MACF1: variants seen among roughly 807,000 people sequenced by gnomAD.
MACF1 encodes microtubule-actin cross-linking factor 1.
In MACF1, 193 loss-of-function variants were observed where a neutral mutation model predicts 854.8. The observed-to-expected ratio is 0.23, with a 90% CI of 0.20 to 0.25. The LOEUF (loss-of-function observed/expected upper bound fraction) is 0.25, where lower values mean the gene tolerates loss of function less well. Among genes scored for constraint, MACF1 ranks in the 10% least tolerant of loss-of-function variants. The pLI is 1.00. For synonymous variants in MACF1, 3,185 were observed against 3,226.7 expected, an observed-to-expected ratio of 0.99 and a Z score of 0.44; for missense variants, 7,722 against 8,929.1, an observed-to-expected ratio of 0.86 and a Z score of 5.45.
At chr1:39,253,547 T>G (rs1401450012) in intron 4 of MACF1, among the ~76,000 whole-genome samples, 4 of 123,004 alleles carry the variant, frequency 3.3e-5, no homozygotes, top group African/African-American at 1.2e-4. Context: ...GGAGTCTCAC[T>G]CCATCTCCCA....
chr1:39,312,880 G>A (rs550632944), intron 26 of MACF1, among the ~76,000 whole-genome samples: 1 of 152,150 alleles, frequency 6.6e-6, no homozygotes, highest in Non-Finnish European at 1.5e-5. Context: ...CCAAGCTCAC[G>A]CCTCATTAAA....
intron 58 of MACF1, among the ~76,000 whole-genome samples, chr1:39,389,353 T>G (rs1402718456): frequency 1.3e-4 from 14 of 111,666 alleles, no homozygotes; most frequent in Middle Eastern, 4.5e-3. Context: ...TTTTGTGTGT[T>G]TTTTTTTTTT....
At chr1:39,413,869 G>T (rs780134805) in intron 58 of MACF1, 4 of 1,609,992 alleles carry the variant, frequency 2.5e-6, no homozygotes, top group East Asian at 4.5e-5. Flanking sequence ...GGCAGCTTCA[G>T]TGCCCACCCC....
At chr1:39,443,855 A>G (rs958421565) in intron 79 of MACF1, among the ~76,000 whole-genome samples, 2 of 152,214 alleles carry the variant, frequency 1.3e-5, no homozygotes, top group African/African-American at 4.8e-5. Flanking sequence ...AGACAAATAT[A>G]CAACACAGAT....
chr1:39,298,683 G>C, intron 21 of MACF1: 1 of 421,778 alleles, frequency 2.4e-6, no homozygotes, highest in Non-Finnish European at 4.7e-6. Context: ...CCTATGAGTG[G>C]TTTTACATTC....
chr1:39,249,840 A>G, intron 2 of MACF1, 174 bp from the exon 3 acceptor site: 1 of 502,790 alleles, frequency 2.0e-6, no homozygotes, highest in South Asian at 2.8e-5. Flanking sequence ...GTAAAGTATT[A>G]TCATTTCACA....
intron 23 of MACF1, among the ~76,000 whole-genome samples, chr1:39,306,833 C>T (rs189955618): frequency 6.9e-4 from 104 of 150,730 alleles, no homozygotes; most frequent in Admixed American, 1.2e-3. Flanking sequence ...CTTCTTCTTC[C>T]TCTAACTGGC....
chr1:39,240,957 G>A (rs1044197344), intron 2 of MACF1, among the ~76,000 whole-genome samples: 6 of 151,626 alleles, frequency 4.0e-5, no homozygotes, highest in African/African-American at 9.7e-5. Flanking sequence ...TCCCACCCCC[G>A]CTCTCCAACA....
At chr1:39,233,783 T>TG (rs1644814662) in intron 2 of MACF1, among the ~76,000 whole-genome samples, 2 of 84,114 alleles carry the variant, frequency 2.4e-5, no homozygotes, top group African/African-American at 3.2e-5. Flanking sequence ...AGCTTTTTTT[T>TG]TTTTTTTTTT....
chr1:39,334,754 A>G lies in MACF1; in HGVS notation c.8166A>G (p.Ala2722=). 1 of 1,614,178 alleles carries G rather than the reference A, an allele frequency of 6.2e-7. No individual in the cohort carries two copies. Among genetic ancestry groups the G allele is most frequent in the Non-Finnish European group, 8.5e-7 (1 of 1,180,012 alleles). Reference sequence around the variant, plus strand: ...ATGAAAACATGGTCAGAATTATTGCATCTCATCAGGTGTTAAATGGAGGAA... The same window carrying G: ...ATGAAAACATGGTCAGAATTATTGCGTCTCATCAGGTGTTAAATGGAGGAA... ...LVDENMVRII[A]SHQVLNGGIV... The change falls in exon 37 of 101, where the codon GCA becomes GCG. Residue 2722 remains alanine (A), a synonymous_variant. Coordinates refer to ENST00000564288, the MANE Select transcript of MACF1 (RefSeq NM_001394062.1).
intron 77 of MACF1, 26 bp from the exon 78 acceptor site, chr1:39,442,688 A>C: frequency 6.2e-7 from 1 of 1,612,852 alleles, no homozygotes; most frequent in South Asian, 1.1e-5. Context: ...CCATAGAGAT[A>C]AATTATGTTG....
chr1:39,185,291 CAAAA>C (rs61635259), intron 2 of MACF1, among the ~76,000 whole-genome samples: 1 of 128,716 alleles, frequency 7.8e-6, no homozygotes, highest in Non-Finnish European at 1.7e-5. Context: ...GACTCCGTCT[CAAAA>C]AAAAAAAAAA....
intron 2 of MACF1, among the ~76,000 whole-genome samples, chr1:39,094,032 C>T (rs952720497): frequency 3.3e-5 from 5 of 152,116 alleles, no homozygotes; most frequent in African/African-American, 7.2e-5. Flanking sequence ...ACCGCCTCGG[C>T]CTCCCAAAGT....
intron 58 of MACF1, among the ~76,000 whole-genome samples, chr1:39,416,630 G>A (rs1643323575): frequency 6.6e-6 from 1 of 152,190 alleles, no homozygotes; most frequent in Admixed American, 6.5e-5. Context: ...TCAGTCTCTG[G>A]AATCCTTGTT....
Position 39,430,776 on chromosome 1 carries a change from G to T in MACF1, c.17205G>T (p.Glu5735Asp). The change falls in exon 66 of 101, where the codon GAG becomes GAT. Residue 5735 changes from glutamate to aspartate, a missense_variant. Glu to Asp is a conservative substitution (Grantham distance 45). Around this residue, in one of 15 missense-constraint regions of MACF1, gnomAD observed 2,807 missense variants for 3,235.8 expected, o/e 0.87. Coordinates refer to ENST00000564288, the MANE Select transcript of MACF1 (RefSeq NM_001394062.1). ...TVNEVSRALL[E>D]LVPWRAREGL... ...ATGAGGTGAGCCGTGCTCTCTTAGAGCTGGTGCCCTGGAGAGCCAGAGAAG... is the reference window on the plus strand; with the variant it reads ...ATGAGGTGAGCCGTGCTCTCTTAGATCTGGTGCCCTGGAGAGCCAGAGAAG... 1.2e-6 allele frequency: 2 copies of T among 1,612,472 alleles called. No homozygotes were observed. The highest frequency in any genetic ancestry group is 8.5e-7 in the Non-Finnish European group (1 of 1,180,000).
intron 58 of MACF1, among the ~76,000 whole-genome samples, chr1:39,404,537 C>T (rs533660905): frequency 6.6e-6 from 1 of 152,112 alleles, no homozygotes; most frequent in African/African-American, 2.4e-5. Flanking sequence ...TGTCGCCAGG[C>T]TAGAGTGCAA....
chr1:39,366,647 G>A (rs35115396), intron 49 of MACF1, among the ~76,000 whole-genome samples: 8,329 of 150,254 alleles, frequency 0.055, 304 homozygotes, highest in Admixed American at 0.079. Context: ...TAACTACTTC[G>A]TTGTTTGATT....
intron 1 of MACF1, among the ~76,000 whole-genome samples, chr1:39,209,806 G>GACT (rs1405210270): frequency 1.3e-5 from 2 of 151,940 alleles, no homozygotes; most frequent in African/African-American, 2.4e-5. Context: ...AGGTATCCTA[G>GACT]AGCCAGGCAT....
intron 1 of MACF1, among the ~76,000 whole-genome samples, chr1:39,226,316 G>C (rs1644715091): frequency 6.6e-6 from 1 of 152,016 alleles, no homozygotes; most frequent in South Asian, 2.1e-4. Context: ...GGGCTTGGTA[G>C]ATGAACAGAA....
Sources: gnomAD v4.1 joint callset for allele counts (sites outside exome capture counted in the v4.1 genomes callset) on GRCh38, gnomAD v4.1.1 for gene constraint, gnomAD v4.1.1 regional missense constraint, MANE v1.5 for transcripts, NCBI Gene and HGNC (gene_info 2026-07-23, HGNC 2026-07-21) for gene names.